TAF3: variants seen among roughly 807,000 people sequenced by gnomAD.
The protein encoded by TAF3 is transcription initiation factor TFIID subunit 3.
A neutral mutation model predicts 80.6 loss-of-function variants in TAF3; 7 were observed. That is an observed-to-expected ratio of 0.09 (90% CI 0.05 to 0.16). The LOEUF is 0.16. Ranked by LOEUF, TAF3 falls within the 10% of genes least tolerant of loss-of-function variation. TAF3 has a pLI of 1.00. For missense variants in TAF3, 921 were observed against 1,140.2 expected (o/e 0.81, Z 2.77); for synonymous variants, 444 against 446.1 (o/e 1.00, Z 0.06).
chr10:7,867,752 A>G (rs541837148), intron 2 of TAF3, among the ~76,000 whole-genome samples: 4 of 152,298 alleles, frequency 2.6e-5, no homozygotes, highest in African/African-American at 9.6e-5. Flanking sequence ...TTTTATTACA[A>G]AGTTGACCCT....
chr10:7,854,769 A>G (rs180952344), intron 2 of TAF3, among the ~76,000 whole-genome samples: 19 of 152,266 alleles, frequency 1.2e-4, no homozygotes, highest in Admixed American at 5.2e-4. Flanking sequence ...AAGGACAGTA[A>G]GTATTCAGAT....
chr10:8,002,197 G>A (rs866618475), intron 4 of TAF3, among the ~76,000 whole-genome samples: 6 of 151,976 alleles, frequency 3.9e-5, no homozygotes, highest in Admixed American at 6.6e-5. Flanking sequence ...AACTGAAAAC[G>A]CCTGGGTTGT....
intron 4 of TAF3, among the ~76,000 whole-genome samples, chr10:8,008,098 T>TC: frequency 6.8e-6 from 1 of 147,180 alleles, no homozygotes; most frequent in Non-Finnish European, 1.5e-5. Flanking sequence ...CAATCTTTTT[T>TC]TTTTTTTTTT....
In TAF3 at chr10:7,964,192, C is replaced by T. The variant is rs1831542279; in HGVS notation, c.682C>T (p.Leu228Phe). 8 of 1,614,212 alleles carry T rather than the reference C, an allele frequency of 5.0e-6. No homozygotes were observed. The East Asian group carries it at 1.8e-4, about 36-fold the overall frequency. Residue 228 changes from leucine (L) to phenylalanine (F), a missense_variant, in exon 3 of 7, where the codon CTT becomes TTT. Leu to Phe is a conservative substitution (Grantham distance 22). Around this residue, in one of 6 missense-constraint regions of TAF3, gnomAD observed 743 missense variants for 821.0 expected, o/e 0.90. Coordinates refer to ENST00000344293, the MANE Select transcript of TAF3 (RefSeq NM_031923.4). This position sits in a 1 kb window ranked among gnomAD's most constrained non-coding sequence, Gnocchi z 4.1. The part of the protein sequence containing the change: ...SINTQKIPPM[L>F]SPVHVQDSTD... ...AAATACTCAAAAGATCCCACCAATG[C>T]TTTCTCCAGTCCATGTACAGGACAG...
At chr10:7,820,787 G>A (rs1391241609) in intron 1 of TAF3, among the ~76,000 whole-genome samples, 1 of 152,236 alleles carries the variant, frequency 6.6e-6, no homozygotes, top group Admixed American at 6.5e-5. Context: ...GAGCCACCAT[G>A]CCCAGCTCAC....
intron 2 of TAF3, among the ~76,000 whole-genome samples, chr10:7,880,931 C>G (rs1430700398): frequency 6.6e-6 from 1 of 152,110 alleles, no homozygotes; most frequent in Non-Finnish European, 1.5e-5. Flanking sequence ...AGAAATGATT[C>G]ACATTACAAA....
At chr10:7,989,423 T>C (rs898510656) in intron 4 of TAF3, among the ~76,000 whole-genome samples, 2 of 152,252 alleles carry the variant, frequency 1.3e-5, no homozygotes, top group African/African-American at 2.4e-5. Flanking sequence ...GGTTTACTTA[T>C]ATATATTTCA....
chr10:7,827,304 G>A (rs371671822), intron 2 of TAF3, among the ~76,000 whole-genome samples: 1 of 148,040 alleles, frequency 6.8e-6, no homozygotes, highest in Non-Finnish European at 1.5e-5. Flanking sequence ...ACCACATTGG[G>A]GAAATGGAGA....
intron 2 of TAF3, among the ~76,000 whole-genome samples, chr10:7,879,682 G>A (rs996556529): frequency 3.9e-5 from 6 of 152,084 alleles, no homozygotes; most frequent in African/African-American, 1.4e-4. Context: ...TCTACCTATT[G>A]GGTAACTCAC....
chr10:8,007,142 C>T (rs1832001874), intron 4 of TAF3, among the ~76,000 whole-genome samples: 1 of 152,212 alleles, frequency 6.6e-6, no homozygotes, highest in East Asian at 1.9e-4. Context: ...ATGTCTCCTA[C>T]TTTCAGTAGG....
At chr10:7,998,316 G>T (rs1831910660) in intron 4 of TAF3, among the ~76,000 whole-genome samples, 1 of 147,976 alleles carries the variant, frequency 6.8e-6, no homozygotes, top group Non-Finnish European at 1.5e-5. Context: ...ATTGAACTGG[G>T]AATGTTAGGC....
At chr10:7,889,372 C>G (rs1837438395) in intron 2 of TAF3, among the ~76,000 whole-genome samples, 1 of 152,206 alleles carries the variant, frequency 6.6e-6, no homozygotes, top group Admixed American at 6.5e-5. Flanking sequence ...GTTGTAAACA[C>G]TTCACATCTA....
chr10:7,868,622 C>A (rs1837237678), intron 2 of TAF3, among the ~76,000 whole-genome samples: 1 of 152,206 alleles, frequency 6.6e-6, no homozygotes, highest in Non-Finnish European at 1.5e-5. Flanking sequence ...GGGTGGGTTA[C>A]TTAAACATTC....
chr10:8,012,918 C>T (rs1832068689), intron 5 of TAF3, among the ~76,000 whole-genome samples: 1 of 152,158 alleles, frequency 6.6e-6, no homozygotes, highest in African/African-American at 2.4e-5. Context: ...TTGGAAGTTA[C>T]CTTTTTCTTA....
intron 2 of TAF3, among the ~76,000 whole-genome samples, chr10:7,828,314 A>G: frequency 6.6e-6 from 1 of 152,232 alleles, no homozygotes. Context: ...GAACAGACTT[A>G]CTAGCTGGGC....
chr10:7,965,094 A>C lies in TAF3; in HGVS notation c.1584A>C (p.Glu528Asp). The change falls in exon 3 of 7, where the codon GAA becomes GAC. Residue 528 changes from glutamate (E) to aspartate (D), a missense_variant. Around this residue, in one of 6 missense-constraint regions of TAF3, gnomAD observed 743 missense variants for 821.0 expected, o/e 0.90. Transcript: ENST00000344293. ...AGGTAAAGAAGAAGTTGAAAAAGGA[A>C]CTAAAGACTAAAATGAAAAAGAAAG... ...SVEVKKKLKK[E>D]LKTKMKKKEK... The C allele has an allele frequency of 6.2e-7, 1 of 1,614,068 alleles. No individual in the cohort carries two copies. The highest frequency in any genetic ancestry group is 1.3e-5 in the African/African-American group (1 of 75,036).
At chr10:7,942,458 A>G (rs969066442) in intron 2 of TAF3, among the ~76,000 whole-genome samples, 3 of 152,214 alleles carry the variant, frequency 2.0e-5, no homozygotes, top group Admixed American at 2.0e-4. Flanking sequence ...TTGTATGTTT[A>G]TATGACGTTG....
At chr10:7,994,086 C>T (rs1434881557) in intron 4 of TAF3, among the ~76,000 whole-genome samples, 2 of 148,776 alleles carry the variant, frequency 1.3e-5, no homozygotes, top group Non-Finnish European at 3.0e-5. Flanking sequence ...TCCCCTCTTC[C>T]TTTGTCCCCC....
At chr10:7,822,488 GA>G (rs34397533) in intron 1 of TAF3, among the ~76,000 whole-genome samples, 13 of 149,734 alleles carry the variant, frequency 8.7e-5, no homozygotes, top group Admixed American at 2.7e-4. Flanking sequence ...CATACTTATA[GA>G]AAAAAAAAAT....
Sources: allele counts gnomAD v4.1 joint callset (sites outside exome capture counted in the v4.1 genomes callset), GRCh38; gene constraint gnomAD v4.1.1; regional missense constraint gnomAD v4.1.1; non-coding constraint Gnocchi (gnomAD v3.1); transcripts MANE v1.5; gene names NCBI Gene and HGNC (gene_info 2026-07-23, HGNC 2026-07-21).